Variants in ODF2 observed in about 807,000 individuals in gnomAD.
The protein encoded by ODF2 is outer dense fiber protein 2.
A neutral mutation model predicts 110.2 loss-of-function variants in ODF2; 47 were observed. The ratio of observed to expected loss-of-function variants is 0.43; its 90% CI spans 0.34 to 0.54. The LOEUF is 0.54. Among genes scored for constraint, ODF2 ranks in the 20% least tolerant of loss-of-function variants. ODF2 has a pLI of 0.03. For missense variants in ODF2, 812 were observed against 1,054.5 expected (o/e 0.77, Z 3.19); for synonymous variants, 352 against 397.7 (o/e 0.89, Z 1.37).
chr9:128,492,312 T>TG, intron 14 of ODF2, 114 bp from the exon 15 acceptor site: 2 of 729,528 alleles, frequency 2.7e-6, no homozygotes, highest in Non-Finnish European at 5.0e-6. Context: ...GAAAGTGCTC[T>TG]GTGGGTTAGA....
rs768404797 is a variant in ODF2, at chr9:128,498,553, C to G, written c.2153C>G (p.Ala718Gly). Reference sequence around the variant, plus strand: ...ACCCTGGCAAGGCAGTTGGAGAGTGCCATTGAAGATGCGAGGAGGCAGGTC... The same window carrying G: ...ACCCTGGCAAGGCAGTTGGAGAGTGGCATTGAAGATGCGAGGAGGCAGGTC... The change falls in exon 19 of 21, where the codon GCC becomes GGC. Residue 718 changes from alanine (A) to glycine (G), a missense_variant. Physicochemically the swap from Ala to Gly is moderately conservative, Grantham distance 60. Around this residue, in one of 5 missense-constraint regions of ODF2, gnomAD observed 234 missense variants for 245.3 expected, o/e 0.95. Transcript: ENST00000604420. The G allele has an allele frequency of 4.4e-6, 7 of 1,600,610 alleles. No individual in the cohort carries two copies. The South Asian group carries it at 7.9e-5, about 18-fold the overall frequency.
chr9:128,487,391 A>G (rs1843578896), intron 13 of ODF2, among the ~76,000 whole-genome samples: 1 of 152,202 alleles, frequency 6.6e-6, no homozygotes, highest in Non-Finnish European at 1.5e-5. Context: ...AAGGCAGGGC[A>G]GCAGAGTTGC....
Position 128,481,594 on chromosome 9 carries a change from A to C in ODF2, c.858A>C (p.Leu286=), listed in dbSNP as rs756214902. The change falls in exon 9 of 21, where the codon CTA becomes CTC. Residue 286 remains leucine, a synonymous_variant. Transcript: ENST00000604420. ...TTTCTTTGAAGGATTCTGAAAGACT[A>C]ATGGAGCAACAAGGAGCACTGCTGA... The C allele has an allele frequency of 3.1e-6, 5 of 1,613,704 alleles. No homozygotes were observed. In the African/African-American group the frequency reaches 5.3e-5, roughly 17 times the overall value.
intron 8 of ODF2, among the ~76,000 whole-genome samples, 182 bp downstream of exon 8, chr9:128,473,923 G>C (rs1451960667): frequency 6.6e-6 from 1 of 152,144 alleles, no homozygotes; most frequent in Non-Finnish European, 1.5e-5. Flanking sequence ...CTTAGATGCC[G>C]TTGAATCCAA....
chr9:128,467,852 G>A (rs1838683195), intron 4 of ODF2, among the ~76,000 whole-genome samples: 2 of 151,628 alleles, frequency 1.3e-5, no homozygotes, highest in South Asian at 4.2e-4. Context: ...TGAGACTACA[G>A]GCACCTGCTA....
chr9:128,460,580 C>A, intron 3 of ODF2: 2 of 1,613,870 alleles, frequency 1.2e-6, no homozygotes, highest in South Asian at 1.1e-5. Context: ...CTCTTCAACT[C>A]CCCCCTTACA....
At chr9:128,500,343 T>C (rs1000742962) in exon 21 of ODF2, 15 of 1,368,348 alleles carry the variant, frequency 1.1e-5, no homozygotes, top group African/African-American at 1.4e-5. Context: ...GTGGTTTTCC[T>C]CTCCCAGTGA....
In ODF2 at chr9:128,461,665, C is replaced by T. The variant is rs534948888; in HGVS notation, c.249+598C>T. Among the ~76,000 whole-genome samples, 12 of 152,248 alleles carry T rather than the reference C, an allele frequency of 7.9e-5. No individual in the cohort carries two copies. The South Asian group carries it at 2.3e-3, about 29-fold the overall frequency. On this transcript the variant is annotated intron_variant, in intron 4 of 20. Transcript: ENST00000604420. The stretch of plus-strand genomic sequence containing the variant: ...AACTCCTGACCTCAGGTGATCCGCC[C>T]GCCTCGGCCTCCCAAGGTGTTGGGA...
At chr9:128,480,709 C>T (rs545012893) in intron 8 of ODF2, among the ~76,000 whole-genome samples, 20 of 152,086 alleles carry the variant, frequency 1.3e-4, no homozygotes, top group South Asian at 1.2e-3. Flanking sequence ...CCCAGCTACT[C>T]GGGAGGCTGA....
chr9:128,470,046 T>TATATATATATATATATATATATATATAA (rs1273553014), intron 5 of ODF2, among the ~76,000 whole-genome samples: 1 of 56,690 alleles, frequency 1.8e-5, no homozygotes, highest in African/African-American at 6.4e-5. Flanking sequence ...TATATATATA[T>TATATATATATATATATATATATATATAA]AAATAAAAAA....
At chr9:128,498,871 C>G (rs1343330559) in intron 19 of ODF2, 130 bp from the exon 20 acceptor site, 1 of 1,275,120 alleles carries the variant, frequency 7.8e-7, no homozygotes, top group Non-Finnish European at 1.1e-6. Flanking sequence ...CCCCAGCGTT[C>G]TAGAGAACAC....
At position 128,498,585 on chromosome 9, in the gene ODF2, G is replaced by A. The variant is rs373055702; in HGVS notation, c.2175+10G>A. 44 of 1,445,862 alleles carry A rather than the reference G, an allele frequency of 3.0e-5. No homozygotes were observed. Among genetic ancestry groups the A allele is most frequent in the Middle Eastern group, 1.8e-4 (1 of 5,714 alleles). 89.6% of individuals were successfully genotyped at this position (1,445,862 alleles called of 1,614,324 possible). On this transcript the variant is annotated intron_variant, in intron 19 of 20. Coordinates refer to ENST00000604420, the Ensembl canonical transcript of ODF2. ...AGATGCGAGGAGGCAGGTCAGTCCC[G>A]ATTTCATGAATGACTAGCTCTGTGA...
At chr9:128,496,106 T>C in exon 18 of ODF2, 1 of 1,613,796 alleles carries the variant, frequency 6.2e-7, no homozygotes, top group East Asian at 2.2e-5. Context: ...AGAAGGAAAA[T>C]AAACAGCTGA....
chr9:128,494,575 G>C lies in ODF2; in HGVS notation c.1818G>C (p.Thr606=), dbSNP rs372513630. 1.2e-6 allele frequency: 2 copies of C among 1,614,154 alleles called. No individual in the cohort carries two copies. Among genetic ancestry groups the C allele is most frequent in the South Asian group, 1.1e-5 (1 of 91,086 alleles). ...AGCTCCCTGACATCCTGAAGATCAC[G>C]GAGGCGAAGCTGGCTGAGTGCCAAG... The change falls in exon 17 of 21, where the codon ACG becomes ACC. Residue 606 remains threonine (T), a synonymous_variant. Coordinates refer to ENST00000604420, the Ensembl canonical transcript of ODF2. The surrounding 1 kb of genome is among the most constrained non-coding windows in gnomAD (Gnocchi z 4.6).
intron 8 of ODF2, among the ~76,000 whole-genome samples, chr9:128,475,968 A>G (rs1359422837): frequency 1.3e-5 from 2 of 152,006 alleles, no homozygotes; most frequent in South Asian, 4.2e-4. Context: ...TAGGTTCCAC[A>G]TATAAATGAA....
chr9:128,484,809 G>C (rs1165760977), exon 12 of ODF2: 3 of 1,613,796 alleles, frequency 1.9e-6, no homozygotes, highest in Non-Finnish European at 2.5e-6. Flanking sequence ...CTTGAAGAAG[G>C]CCATCCGAGC....
intron 18 of ODF2, chr9:128,497,491 A>ATAT (rs1236093738): frequency 7.8e-6 from 1 of 127,438 alleles, no homozygotes; most frequent in South Asian, 2.6e-4. Flanking sequence ...ATATATGTAT[A>ATAT]AAATTAGCCG....
intron 2 of ODF2, among the ~76,000 whole-genome samples, chr9:128,459,017 G>C (rs1354089670): frequency 6.6e-6 from 1 of 151,926 alleles, no homozygotes; most frequent in African/African-American, 2.4e-5. Flanking sequence ...GCTAATTTTT[G>C]TATGTTTTGT....
intron 3 of ODF2, chr9:128,460,297 C>A: frequency 7.2e-7 from 1 of 1,390,678 alleles, no homozygotes; most frequent in Non-Finnish European, 9.5e-7. Context: ...TGTTCTGGAA[C>A]GGGTGGGTCT....
Sources: gnomAD v4.1 joint callset for allele counts (sites outside exome capture counted in the v4.1 genomes callset) on GRCh38, gnomAD v4.1.1 for gene constraint, gnomAD v4.1.1 regional missense constraint, Gnocchi (gnomAD v3.1) non-coding constraint, MANE v1.5 for transcripts, NCBI Gene and HGNC (gene_info 2026-07-23, HGNC 2026-07-21) for gene names.